Variants in EPHB2 observed in about 807,000 individuals in gnomAD.
EPHB2 encodes the protein EPH receptor B2, also known as ephrin type-B receptor 2.
In EPHB2, 18 loss-of-function variants were observed where a neutral mutation model predicts 96.4. The observed-to-expected ratio is 0.19, with a 90% CI of 0.13 to 0.28. The LOEUF (loss-of-function observed/expected upper bound fraction) is 0.28. EPHB2 is among the 10% of genes least tolerant of loss of function. EPHB2 has a pLI of 1.00. For synonymous variants in EPHB2, 506 were observed against 534.1 expected (o/e 0.95, Z 0.72); for missense variants, 989 against 1,355.4 (o/e 0.73, Z 4.25).
chr1:22,853,004 G>A (rs1645645427), intron 3 of EPHB2, among the ~76,000 whole-genome samples: 1 of 152,208 alleles, frequency 6.6e-6, no homozygotes, highest in Non-Finnish European at 1.5e-5. Context: ...GATTCCAGAG[G>A]CCTCGAGCAA....
At chr1:22,897,021 C>G (rs1228394228) in intron 9 of EPHB2, among the ~76,000 whole-genome samples, 1 of 152,096 alleles carries the variant, frequency 6.6e-6, no homozygotes, top group Non-Finnish European at 1.5e-5. Flanking sequence ...AGCAGGAGTC[C>G]CTCCTTCCTT....
At chr1:22,907,404 A>G (rs919049275) in intron 11 of EPHB2, among the ~76,000 whole-genome samples, 2 of 152,230 alleles carry the variant, frequency 1.3e-5, no homozygotes, top group East Asian at 3.8e-4. Context: ...GGAGTTCTCC[A>G]AAGCTCTATA....
chr1:22,873,379 A>G (rs1557727144), intron 5 of EPHB2, among the ~76,000 whole-genome samples: 2 of 152,160 alleles, frequency 1.3e-5, no homozygotes, highest in Admixed American at 6.5e-5. Context: ...CCACCTGTGC[A>G]TGTTTTCTCA....
chr1:22,875,018 G>A lies in EPHB2; in HGVS notation c.1304-7341G>A, dbSNP rs117263039. 7.9e-4 allele frequency among the ~76,000 whole-genome samples: 121 copies of A among 152,270 alleles called. No homozygotes were observed. The East Asian group carries it at 0.022, about 27-fold the overall frequency. ...AGTGTGAGTCTCCACAAGCAGACGGGCTACAACTCTGCGTTCCTCAAACTT... is the reference window on the plus strand; with the variant it reads ...AGTGTGAGTCTCCACAAGCAGACGGACTACAACTCTGCGTTCCTCAAACTT... On this transcript the variant is annotated intron_variant, in intron 5 of 15. Transcript: ENST00000374630. The surrounding 1 kb of genome is among the most constrained non-coding windows in gnomAD (Gnocchi z 4.2).
At chr1:22,800,714 G>A (rs1644829950) in intron 3 of EPHB2, among the ~76,000 whole-genome samples, 1 of 151,840 alleles carries the variant, frequency 6.6e-6, no homozygotes, top group East Asian at 1.9e-4. Flanking sequence ...GTGTGTGTGT[G>A]TGTGTGTGTG....
rs142007942 is a variant in EPHB2, at chr1:22,768,309, C to G, written c.62-13112C>G. 8.4e-3 allele frequency among the ~76,000 whole-genome samples: 1,284 copies of G among 152,284 alleles called. 14 individuals are homozygous for G. The highest frequency in any genetic ancestry group is 0.015 in the Non-Finnish European group (1,045 of 68,022). Reference sequence around the variant, plus strand: ...AACATGGATCCTTTACACAAGAGAACACAGCAACAGCTGTCAGGCCACTTC... The same window carrying G: ...AACATGGATCCTTTACACAAGAGAAGACAGCAACAGCTGTCAGGCCACTTC... On this transcript the variant is annotated intron_variant, in intron 1 of 15. Transcript: ENST00000374630.
chr1:22,717,448 C>G (rs929101302), intron 1 of EPHB2, among the ~76,000 whole-genome samples: 1 of 152,184 alleles, frequency 6.6e-6, no homozygotes, highest in Non-Finnish European at 1.5e-5. Context: ...ACTAGGTGAG[C>G]TTCCTGGAGC....
intron 1 of EPHB2, among the ~76,000 whole-genome samples, chr1:22,719,834 A>G (rs1249887578): frequency 6.6e-6 from 1 of 152,202 alleles, no homozygotes; most frequent in African/African-American, 2.4e-5. Flanking sequence ...TCCACTCCTG[A>G]AAAGCATATC....
At chr1:22,826,500 C>T (rs903954132) in intron 3 of EPHB2, among the ~76,000 whole-genome samples, 1 of 152,232 alleles carries the variant, frequency 6.6e-6, no homozygotes, top group Non-Finnish European at 1.5e-5. Flanking sequence ...TAAAGCAACA[C>T]TTCTCTCCCA....
intron 1 of EPHB2, among the ~76,000 whole-genome samples, chr1:22,729,270 A>C (rs539240808): frequency 4.5e-4 from 68 of 152,328 alleles, no homozygotes; most frequent in Admixed American, 6.5e-4. Context: ...GAGATGCTGG[A>C]AGGAGATGAC....
intron 3 of EPHB2, among the ~76,000 whole-genome samples, chr1:22,807,563 C>A (rs1644944588): frequency 6.6e-6 from 1 of 152,214 alleles, no homozygotes; most frequent in South Asian, 2.1e-4. Context: ...CCTCTACCCC[C>A]ATGGTCTGAG....
intron 9 of EPHB2, 131 bp downstream of exon 9, chr1:22,896,609 A>G (rs1639572737): frequency 1.5e-5 from 18 of 1,205,380 alleles, no homozygotes; most frequent in Non-Finnish European, 2.0e-5. Context: ...GCCTGGTTGC[A>G]CTAAGCTCAC....
intron 1 of EPHB2, among the ~76,000 whole-genome samples, chr1:22,773,420 A>T (rs1644405429): frequency 6.6e-6 from 1 of 152,110 alleles, no homozygotes. Flanking sequence ...ACAGGGTGCA[A>T]CAGGAACCGC....
intron 3 of EPHB2, among the ~76,000 whole-genome samples, chr1:22,803,445 A>G (rs1644873642): frequency 6.6e-6 from 1 of 151,622 alleles, no homozygotes; most frequent in Admixed American, 6.6e-5. Context: ...CATCTCTACA[A>G]AAAAATTAAA....
chr1:22,732,748 G>A (rs866310764), intron 1 of EPHB2, among the ~76,000 whole-genome samples: 2 of 152,164 alleles, frequency 1.3e-5, no homozygotes, highest in East Asian at 1.9e-4. Flanking sequence ...CTTACAAGGC[G>A]CGCTCACATT....
intron 1 of EPHB2, among the ~76,000 whole-genome samples, chr1:22,743,598 A>G (rs910803437): frequency 1.3e-5 from 2 of 152,068 alleles, no homozygotes; most frequent in African/African-American, 4.8e-5. Context: ...AGCCTCCCCA[A>G]GTAGCTGGGA....
Position 22,908,117 on chromosome 1 carries a change from C to G in EPHB2, c.2301C>G (p.Leu767=). 6.2e-7 allele frequency: 1 copy of G among 1,614,260 alleles called. No homozygotes were observed. Among genetic ancestry groups the G allele is most frequent in the Non-Finnish European group, 8.5e-7 (1 of 1,180,050 alleles). ...NLVCKVSDFG[L]SRFLEDDTSD... The stretch of plus-strand genomic sequence containing the variant: ...TCTGCAAGGTGTCGGACTTTGGGCT[C>G]TCACGCTTTCTAGAGGACGATACCT... The change falls in exon 12 of 16, where the codon CTC becomes CTG. Residue 767 remains leucine (L), a synonymous_variant. Transcript: ENST00000374630.
intron 1 of EPHB2, among the ~76,000 whole-genome samples, chr1:22,763,026 G>T (rs1367714606): frequency 3.3e-5 from 5 of 152,038 alleles, no homozygotes; most frequent in Non-Finnish European, 7.4e-5. Context: ...CTACCTCGAG[G>T]CCCAGAGAGT....
intron 3 of EPHB2, among the ~76,000 whole-genome samples, chr1:22,785,785 C>G (rs1644602573): frequency 6.6e-6 from 1 of 152,260 alleles, no homozygotes. Context: ...TGCAATTTTA[C>G]TGTGAGCCAG....
Sources: gnomAD v4.1 joint callset for allele counts (sites outside exome capture counted in the v4.1 genomes callset) on GRCh38, gnomAD v4.1.1 for gene constraint, Gnocchi (gnomAD v3.1) non-coding constraint, MANE v1.5 for transcripts, NCBI Gene and HGNC (gene_info 2026-07-23, HGNC 2026-07-21) for gene names.